DLGAP1: variants seen among roughly 807,000 people sequenced by gnomAD.
DLGAP1 encodes the protein disks large-associated protein 1.
A neutral mutation model predicts 90.8 loss-of-function variants in DLGAP1; 11 were observed. The ratio of observed to expected loss-of-function variants is 0.12; its 90% CI spans 0.08 to 0.20. The LOEUF (loss-of-function observed/expected upper bound fraction) is 0.20, where lower values mean the gene tolerates loss of function less well. Ranked by LOEUF, DLGAP1 falls within the 10% of genes least tolerant of loss-of-function variation. The pLI, the probability that DLGAP1 is intolerant of heterozygous loss-of-function variation, is 1.00. For synonymous variants in DLGAP1, 558 were observed against 540.7 expected (o/e 1.03, Z -0.44); for missense variants, 1,050 against 1,333.8 (o/e 0.79, Z 3.31).
At chr18:3,839,936 A>G (rs184433910) in intron 4 of DLGAP1, among the ~76,000 whole-genome samples, 8 of 152,250 alleles carry the variant, frequency 5.3e-5, no homozygotes, top group Non-Finnish European at 8.8e-5. Context: ...CCCACCCTGA[A>G]TCACCAGGCA....
intron 7 of DLGAP1, among the ~76,000 whole-genome samples, chr18:3,602,574 G>A (rs28629224): frequency 8.2e-6 from 1 of 121,356 alleles, no homozygotes; most frequent in Non-Finnish European, 1.6e-5. Context: ...CAGCCTGGGC[G>A]ACAGAGCGAG....
intron 7 of DLGAP1, among the ~76,000 whole-genome samples, chr18:3,592,900 GAAAAAGAAA>G (rs1230079274): frequency 3.0e-5 from 2 of 66,936 alleles, no homozygotes; most frequent in Non-Finnish European, 3.5e-5. Flanking sequence ...AAAAGAAAAA[GAAAAAGAAA>G]AAAAAGAAAG....
intron 5 of DLGAP1, among the ~76,000 whole-genome samples, chr18:3,796,824 G>C (rs1226237663): frequency 1.3e-5 from 2 of 152,150 alleles, no homozygotes; most frequent in Admixed American, 6.5e-5. Context: ...CTTCTTCATG[G>C]CTGAGGTGCA....
At chr18:4,031,533 C>G (rs2074796069) in intron 2 of DLGAP1, among the ~76,000 whole-genome samples, 2 of 152,040 alleles carry the variant, frequency 1.3e-5, no homozygotes, top group African/African-American at 4.8e-5. Context: ...TGTTATGGCC[C>G]CTTTAGAGGC....
chr18:4,224,607 G>A (rs139407839), intron 1 of DLGAP1, among the ~76,000 whole-genome samples: 15 of 152,184 alleles, frequency 9.9e-5, no homozygotes, highest in Admixed American at 2.6e-4. Context: ...GGAGGAAGAC[G>A]CCTCTGCTTG....
At chr18:4,321,116 A>G in intron 1 of DLGAP1, among the ~76,000 whole-genome samples, 1 of 152,224 alleles carries the variant, frequency 6.6e-6, no homozygotes, top group East Asian at 1.9e-4. Context: ...TCTCCTGCAG[A>G]TAACAAAAAC....
chr18:4,088,042 T>C (rs1344508263), intron 2 of DLGAP1, among the ~76,000 whole-genome samples: 1 of 151,924 alleles, frequency 6.6e-6, no homozygotes, highest in Non-Finnish European at 1.5e-5. Flanking sequence ...ATCATTCTAT[T>C]TTTCCTCAAC....
intron 7 of DLGAP1, among the ~76,000 whole-genome samples, chr18:3,592,843 C>CAAAAAAAAAAAAAAAAAAAAAAAAA (rs56871583): frequency 2.3e-5 from 1 of 42,582 alleles, no homozygotes; most frequent in Non-Finnish European, 4.9e-5. Context: ...GACCCTGCCT[C>CAAAAAAAAAAAAAAAAAAAAAAAAA]AAAAAAAAAA....
intron 2 of DLGAP1, among the ~76,000 whole-genome samples, chr18:4,072,177 T>C (rs944786286): frequency 2.0e-5 from 3 of 152,130 alleles, no homozygotes; most frequent in African/African-American, 7.2e-5. Context: ...TTGGAGTCTA[T>C]GTTTTTCTGA....
chr18:3,891,048 A>G (rs1159506510), intron 3 of DLGAP1, among the ~76,000 whole-genome samples: 1 of 152,236 alleles, frequency 6.6e-6, no homozygotes, highest in Non-Finnish European at 1.5e-5. Flanking sequence ...CATGCAGTGC[A>G]CTGGGCACTG....
At chr18:3,765,243 G>T (rs79681627) in intron 5 of DLGAP1, among the ~76,000 whole-genome samples, 1 of 145,914 alleles carries the variant, frequency 6.9e-6, no homozygotes, top group East Asian at 2.1e-4. Context: ...CCATTCTTCT[G>T]CTTCAGCCTC....
At chr18:4,332,390 T>G (rs565520) in intron 1 of DLGAP1, among the ~76,000 whole-genome samples, 103,824 of 151,688 alleles carry the variant, frequency 0.68, 36,801 homozygotes, top group Non-Finnish European at 0.77. Flanking sequence ...TTGCGTATTA[T>G]TAGGTAGAAA....
chr18:3,581,781 A>C, intron 8 of DLGAP1, 94 bp downstream of exon 8: 2 of 1,518,386 alleles, frequency 1.3e-6, no homozygotes, highest in Non-Finnish European at 1.8e-6. Flanking sequence ...TATGATTCCA[A>C]GCGGCAAGAA....
chr18:4,168,786 G>T (rs189387456), intron 1 of DLGAP1, among the ~76,000 whole-genome samples: 10 of 152,264 alleles, frequency 6.6e-5, no homozygotes, highest in African/African-American at 2.4e-4. Context: ...GTCTTACTAT[G>T]TTGGCCAGGC....
intron 8 of DLGAP1, among the ~76,000 whole-genome samples, chr18:3,573,641 T>C (rs2054938581): frequency 6.6e-6 from 1 of 152,186 alleles, no homozygotes; most frequent in Non-Finnish European, 1.5e-5. Flanking sequence ...GGTTTTTTTT[T>C]TCTTCACTTT....
chr18:4,303,577 A>T (rs978993757), intron 1 of DLGAP1, among the ~76,000 whole-genome samples: 8 of 152,112 alleles, frequency 5.3e-5, no homozygotes, highest in Non-Finnish European at 8.8e-5. Flanking sequence ...GACAATTCAA[A>T]TTTTTTTCTC....
intron 4 of DLGAP1, among the ~76,000 whole-genome samples, chr18:3,822,494 G>A (rs908096534): frequency 7.9e-5 from 12 of 152,310 alleles, no homozygotes; most frequent in African/African-American, 2.6e-4. Context: ...TGGATCTGGT[G>A]AATCTGGAGG....
At chr18:3,907,629 C>A (rs2035013236) in intron 3 of DLGAP1, among the ~76,000 whole-genome samples, 1 of 152,146 alleles carries the variant, frequency 6.6e-6, no homozygotes, top group Non-Finnish European at 1.5e-5. Context: ...GATTCCCCAG[C>A]AGTTGTAAAC....
intron 1 of DLGAP1, among the ~76,000 whole-genome samples, chr18:4,411,871 C>T (rs2082785437): frequency 6.6e-6 from 1 of 152,238 alleles, no homozygotes; most frequent in East Asian, 1.9e-4. Flanking sequence ...CTTTAATGGG[C>T]TTGGAAGTCC....
Sources: gnomAD v4.1 joint callset for allele counts (sites outside exome capture counted in the v4.1 genomes callset) on GRCh38, gnomAD v4.1.1 for gene constraint, MANE v1.5 for transcripts, NCBI Gene and HGNC (gene_info 2026-07-23, HGNC 2026-07-21) for gene names.